Variants in FBXL3 observed in about 807,000 individuals in gnomAD.
FBXL3 encodes the protein F-box and leucine rich repeat protein 3, also known as F-box/LRR-repeat protein 3.
FBXL3 carries 14 observed loss-of-function variants against 37.9 expected under a neutral mutation model. The ratio of observed to expected loss-of-function variants is 0.37; its 90% CI spans 0.24 to 0.58. The LOEUF is 0.58. Ranked by LOEUF, FBXL3 falls within the 20% of genes least tolerant of loss-of-function variation. The pLI is 0.74. For synonymous variants in FBXL3, 194 were observed against 180.1 expected (o/e 1.08, Z -0.62); for missense variants, 327 against 511.1 (o/e 0.64, Z 3.47).
chr13:77,005,280 C>G lies in FBXL3; in HGVS notation c.*1865G>C, dbSNP rs893315813. 5 of 152,582 alleles carry G rather than the reference C, an allele frequency of 3.3e-5. No individual in the cohort carries two copies. The highest frequency in any genetic ancestry group is 7.4e-5 in the Non-Finnish European group (5 of 67,950). The allele number at this position is 152,582 out of a possible 1,614,324, so 9.5% of individuals were successfully genotyped here. On this transcript the variant is annotated 3_prime_UTR_variant, in exon 5 of 5. Transcript: ENST00000355619. Reference sequence around the variant, plus strand: ...ACAACAGCATTAGTAACTTTTTATTCTCAAAGTGATAAAAGCATTTAACAT... The same window carrying G: ...ACAACAGCATTAGTAACTTTTTATTGTCAAAGTGATAAAAGCATTTAACAT...
intron 1 of FBXL3, among the ~76,000 whole-genome samples, chr13:77,024,590 T>C (rs757260245): frequency 3.9e-5 from 6 of 152,204 alleles, no homozygotes; most frequent in Non-Finnish European, 5.9e-5. Context: ...TTGCTGGTCC[T>C]AAAAATAGAA....
chr13:77,026,097 G>A (rs1231962226), intron 1 of FBXL3: 2 of 795,488 alleles, frequency 2.5e-6, no homozygotes, highest in African/African-American at 3.7e-5. Flanking sequence ...AGAAAAGGAG[G>A]ATTCTAATTA....
chr13:77,007,735 A>G lies in FBXL3; in HGVS notation c.697T>C (p.Tyr233His). ...CHGLRELALNYHLLSDELLLA... is the reference protein window; with the variant it reads ...CHGLRELALNHHLLSDELLLA... ...AACAACTCATCACTCAATAAGTGGT[A>G]GTTCAGGGCTAGTTCTCTTAAGCCG... Residue 233 changes from tyrosine to histidine, a missense_variant, in exon 5 of 5, where the codon TAC (tyrosine) becomes CAC (histidine). By Grantham distance (83) the Tyr-to-His change is moderately conservative. Coordinates refer to ENST00000355619, the MANE Select transcript of FBXL3 (RefSeq NM_012158.4). 1.2e-6 allele frequency: 2 copies of G among 1,613,850 alleles called. No individual in the cohort carries two copies. The highest frequency in any genetic ancestry group is 8.5e-7 in the Non-Finnish European group (1 of 1,179,822).
intron 1 of FBXL3, among the ~76,000 whole-genome samples, chr13:77,023,804 T>C (rs755847385): frequency 8.5e-5 from 13 of 152,252 alleles, no homozygotes; most frequent in Admixed American, 3.3e-4. Context: ...TATGCATTAC[T>C]GTAAAACAAA....
chr13:77,007,923 T>C (rs995052523), intron 4 of FBXL3, 135 bp from the exon 5 acceptor site: 37 of 639,814 alleles, frequency 5.8e-5, no homozygotes, highest in Non-Finnish European at 6.9e-5. Flanking sequence ...ATGTGCATAG[T>C]TGAATTAGAA....
chr13:77,007,615 G>C lies in FBXL3; in HGVS notation c.817C>G (p.Gln273Glu). The C allele has an allele frequency of 4.3e-6, 7 of 1,614,142 alleles. No individual in the cohort carries two copies. Among genetic ancestry groups the C allele is most frequent in the Non-Finnish European group, 5.9e-6 (7 of 1,180,032 alleles). Residue 273 changes from glutamine (Q) to glutamate (E), a missense_variant, in exon 5 of 5, where the codon CAG (glutamine) becomes GAG (glutamate). Coordinates refer to ENST00000355619, the MANE Select transcript of FBXL3 (RefSeq NM_012158.4). ...ATGAAAGCATCCCAGCTACTCTTCTGAATAGTATGGAAGTGTGTCTGTCCA... is the reference window on the plus strand; with the variant it reads ...ATGAAAGCATCCCAGCTACTCTTCTCAATAGTATGGAAGTGTGTCTGTCCA... ...NPGQTHFHTI[Q>E]KSSWDAFIRH...
chr13:77,007,086 ATAAAACT>A lies in FBXL3; in HGVS notation c.*52_*58del. ...TAGAATTATATCAGAACTACAGCAA[ATAAAACT>A]TTAATTATAATACATTTGCTTGAAA... On this transcript the variant is annotated 3_prime_UTR_variant, in exon 5 of 5. Coordinates refer to ENST00000355619, the MANE Select transcript of FBXL3 (RefSeq NM_012158.4). The A allele has an allele frequency of 6.6e-7, 1 of 1,516,818 alleles. No individual in the cohort carries two copies. The highest frequency in any genetic ancestry group is 8.8e-7 in the Non-Finnish European group (1 of 1,140,088). The allele number at this position is 1,516,818 out of a possible 1,614,324, so 94.0% of individuals were successfully genotyped here. A position where few individuals can be genotyped will look rare whatever the true frequency, so the allele number is the denominator to read the frequency against.
intron 4 of FBXL3, chr13:77,010,757 T>C (rs2034536681): frequency 6.6e-6 from 1 of 152,220 alleles, no homozygotes; most frequent in Non-Finnish European, 1.5e-5. Flanking sequence ...TGGAGGTGGA[T>C]TCTTCTGCAG....
chr13:77,009,345 T>A (rs1566226905), intron 4 of FBXL3: 1 of 152,268 alleles, frequency 6.6e-6, no homozygotes, highest in African/African-American at 2.4e-5. Context: ...ATTTTTGTTT[T>A]GAGATGGAGT....
Position 77,021,696 on chromosome 13 carries a change from G to C in FBXL3, c.165C>G (p.Asp55Glu). 2 of 1,614,036 alleles carry C rather than the reference G, an allele frequency of 1.2e-6. No individual in the cohort carries two copies. The highest frequency in any genetic ancestry group is 1.7e-6 in the Non-Finnish European group (2 of 1,180,008). ...LQVFKYLPLL[D>E]RAHASQVCRN... Reference sequence around the variant, plus strand: ...GGCAAACTTGTGAAGCATGAGCCCGGTCAAGAAGAGGCAAATATTTAAATA... The same window carrying C: ...GGCAAACTTGTGAAGCATGAGCCCGCTCAAGAAGAGGCAAATATTTAAATA... The change falls in exon 2 of 5, where the codon GAC becomes GAG. Residue 55 changes from aspartate (D) to glutamate (E), a missense_variant. Asp to Glu is a conservative substitution (Grantham distance 45). Coordinates refer to ENST00000355619, the MANE Select transcript of FBXL3 (RefSeq NM_012158.4).
chr13:77,015,299 G>A lies in FBXL3; in HGVS notation c.643+110C>T, dbSNP rs573734152. ...TACTACATTAAAAATATTTTAAAGA[G>A]ATGAAGCAGTCATATTAATCCACCT... On this transcript the variant is annotated intron_variant, in intron 4 of 4. Transcript: ENST00000355619. 68 of 690,532 alleles carry A rather than the reference G, an allele frequency of 9.8e-5. No individual in the cohort carries two copies. The African/African-American group carries it at 1.2e-3, about 13-fold the overall frequency. The allele number at this position is 690,532 out of a possible 1,614,324, so 42.8% of individuals were successfully genotyped here. A position where few individuals can be genotyped will look rare whatever the true frequency, so the allele number is the denominator to read the frequency against.
intron 1 of FBXL3, among the ~76,000 whole-genome samples, chr13:77,024,551 T>TC (rs759221581): frequency 1.8e-4 from 27 of 152,222 alleles, no homozygotes; most frequent in Non-Finnish European, 3.1e-4. Flanking sequence ...GTAGCCTTAT[T>TC]CACATAATAG....
chr13:77,006,874 A>T lies in FBXL3; in HGVS notation c.*271T>A, dbSNP rs1418309266. ...ATAGGTTTTGTTTCCTTTAGACTGT[A>T]AACTGTTTAATACGTATAACTGGTT... On this transcript the variant is annotated 3_prime_UTR_variant, in exon 5 of 5. Coordinates refer to ENST00000355619, the MANE Select transcript of FBXL3 (RefSeq NM_012158.4). 15 of 1,226,614 alleles carry T rather than the reference A, an allele frequency of 1.2e-5. No homozygotes were observed. Among genetic ancestry groups the T allele is most frequent in the Non-Finnish European group, 1.4e-5 (14 of 980,300 alleles). The allele number at this position is 1,226,614 out of a possible 1,614,324, so 76.0% of individuals were successfully genotyped here.
chr13:77,024,425 G>C (rs1272471994), intron 1 of FBXL3, among the ~76,000 whole-genome samples: 2 of 152,096 alleles, frequency 1.3e-5, no homozygotes, highest in African/African-American at 4.8e-5. Context: ...CCTTATTATA[G>C]AATACTGATT....
chr13:77,015,679 T>A (rs2154036981), intron 3 of FBXL3, 99 bp from the exon 4 acceptor site: 1 of 753,818 alleles, frequency 1.3e-6, no homozygotes, highest in Middle Eastern at 3.8e-4. Context: ...CATAATGACA[T>A]ATTAATATTT....
In FBXL3 at chr13:77,021,770, A is replaced by G. The variant is rs1313907109; in HGVS notation, c.91T>C (p.Ser31Pro). 1 of 1,613,740 alleles carries G rather than the reference A, an allele frequency of 6.2e-7. No individual in the cohort carries two copies. The highest frequency in any genetic ancestry group is 2.2e-5 in the East Asian group (1 of 44,880). Residue 31 changes from serine to proline, a missense_variant, in exon 2 of 5, where the codon TCT becomes CCT. Coordinates refer to ENST00000355619, the MANE Select transcript of FBXL3 (RefSeq NM_012158.4). ...SKKLRTTNEH[S>P]QTCDWGNLLQ... ...AGATTACCCCAATCACAAGTCTGAGAATGCTCATTTGTAGTCCTCAGTTTC... is the reference window on the plus strand; with the variant it reads ...AGATTACCCCAATCACAAGTCTGAGGATGCTCATTTGTAGTCCTCAGTTTC...
chr13:77,007,844 A>T, intron 4 of FBXL3, 56 bp from the exon 5 acceptor site: 1 of 1,470,516 alleles, frequency 6.8e-7, no homozygotes, highest in Non-Finnish European at 9.1e-7. Flanking sequence ...TCTGTTGAAA[A>T]ATTCAATCAA....
chr13:77,019,027 C>T (rs1336939318), intron 2 of FBXL3: 1 of 210,378 alleles, frequency 4.8e-6, no homozygotes, highest in Non-Finnish European at 9.4e-6. Context: ...TTGGCTTTTA[C>T]ACTGATTTAT....
rs996057284 is a variant in FBXL3 at position 77,026,389 on chromosome 13, G to C, written c.-2+438C>G. ...ACATTTCTCATGCGCCCCACCCTGG[G>C]CAGTTTGCTTTGACATTTCAGTGCC... On this transcript the variant is annotated intron_variant, in intron 1 of 4. Transcript: ENST00000355619. 11 of 984,850 alleles carry C rather than the reference G, an allele frequency of 1.1e-5. No individual in the cohort carries two copies. The African/African-American group carries it at 1.4e-4, about 13-fold the overall frequency. The allele number at this position is 984,850 out of a possible 1,614,324, so 61.0% of individuals were successfully genotyped here.
Sources: gnomAD v4.1 joint callset for allele counts (sites outside exome capture counted in the v4.1 genomes callset) on GRCh38, gnomAD v4.1.1 for gene constraint, MANE v1.5 for transcripts, NCBI Gene and HGNC (gene_info 2026-07-23, HGNC 2026-07-21) for gene names.